The following ZNF423 variants were observed in gnomAD, a reference collection of about 807,000 sequenced individuals.
ZNF423 encodes Ebf-associated zinc finger protein.
In ZNF423, 12 loss-of-function variants were observed where a neutral mutation model predicts 95.8. That is an observed-to-expected ratio of 0.13 (90% CI 0.08 to 0.20). ZNF423 has a LOEUF of 0.20. ZNF423 is among the 10% of genes least tolerant of loss of function. The probability of loss-of-function intolerance (pLI) is 1.00; values close to 1 mark genes in which losing one functional copy is unlikely to be tolerated. For missense variants in ZNF423, 1,316 were observed against 1,737.1 expected, an observed-to-expected ratio of 0.76 and a Z score of 4.31; for synonymous variants, 749 against 711.9, an observed-to-expected ratio of 1.05 and a Z score of -0.83.
intron 3 of ZNF423, among the ~76,000 whole-genome samples, chr16:49,696,536 C>T (rs1330226651): frequency 6.6e-6 from 1 of 152,158 alleles, no homozygotes; most frequent in African/African-American, 2.4e-5. Context: ...GAGAAGGAGG[C>T]CCAGGCCCGC....
At chr16:49,687,803 C>T (rs910341980) in intron 3 of ZNF423, among the ~76,000 whole-genome samples, 4 of 152,172 alleles carry the variant, frequency 2.6e-5, no homozygotes, top group African/African-American at 9.7e-5. Flanking sequence ...CTTTCATTTC[C>T]CTCCCTTTTT....
intron 1 of ZNF423, among the ~76,000 whole-genome samples, chr16:49,817,069 T>C (rs2034867009): frequency 6.6e-6 from 1 of 152,148 alleles, no homozygotes; most frequent in Non-Finnish European, 1.5e-5. Flanking sequence ...GATCAGACAC[T>C]TGGTGTCTTT....
intron 7 of ZNF423, among the ~76,000 whole-genome samples, chr16:49,519,473 A>G (rs1161053864): frequency 6.6e-6 from 1 of 152,210 alleles, no homozygotes; most frequent in Non-Finnish European, 1.5e-5. Flanking sequence ...TGTGGGTGGC[A>G]TCAGGCTATG....
chr16:49,789,569 G>T, intron 1 of ZNF423, 23 bp from the exon 2 acceptor site: 1 of 1,608,344 alleles, frequency 6.2e-7, no homozygotes. Context: ...ACAGAGATGG[G>T]CCTGTGAGTT....
At chr16:49,653,923 G>A (rs1214792164) in intron 3 of ZNF423, among the ~76,000 whole-genome samples, 1 of 152,092 alleles carries the variant, frequency 6.6e-6, no homozygotes, top group Admixed American at 6.5e-5. Flanking sequence ...ACCACTTTTT[G>A]AACTTCAGAC....
chr16:49,637,896 A>G lies in ZNF423; in HGVS notation c.1280T>C (p.Phe427Ser). 6.2e-7 allele frequency: 1 copy of G among 1,614,154 alleles called. No homozygotes were observed. The highest frequency in any genetic ancestry group is 8.5e-7 in the Non-Finnish European group (1 of 1,180,028). The part of the protein sequence containing the change: ...YSCPYCSKRD[F>S]NSLAVLEIHL... ...GATCTCCAGCACGGCCAGGCTGTTA[A>G]AGTCCCGCTTGGAACAATAGGGGCA... The change falls in exon 4 of 8, where the codon TTT becomes TCT. Residue 427 changes from phenylalanine (F) to serine (S), a missense_variant. Phe to Ser is a radical substitution (Grantham distance 155). Coordinates refer to ENST00000563137, the MANE Select transcript of ZNF423 (RefSeq NM_001379286.1). This position sits in a 1 kb window ranked among gnomAD's most constrained non-coding sequence, Gnocchi z 5.6.
chr16:49,523,784 C>G, intron 6 of ZNF423, 45 bp from the exon 7 acceptor site: 1 of 1,544,790 alleles, frequency 6.5e-7, no homozygotes, highest in Non-Finnish European at 8.9e-7. Flanking sequence ...GGACACCAGC[C>G]CAGCCTCCTG....
At chr16:49,659,535 A>G (rs530128842) in intron 3 of ZNF423, among the ~76,000 whole-genome samples, 80 of 152,378 alleles carry the variant, frequency 5.3e-4, no homozygotes, top group African/African-American at 1.9e-3. Flanking sequence ...AGTCCGGCAG[A>G]GCCAGGAGAA....
chr16:49,516,271 G>T (rs898228596), intron 7 of ZNF423, among the ~76,000 whole-genome samples: 3 of 152,222 alleles, frequency 2.0e-5, no homozygotes, highest in Non-Finnish European at 2.9e-5. Flanking sequence ...TGCCACACAA[G>T]GAAGGACTTG....
At chr16:49,555,205 T>C (rs1003436759) in intron 5 of ZNF423, among the ~76,000 whole-genome samples, 2 of 152,252 alleles carry the variant, frequency 1.3e-5, no homozygotes, top group East Asian at 3.8e-4. Context: ...TGATCCTTAA[T>C]GCCTATGTCA....
intron 1 of ZNF423, among the ~76,000 whole-genome samples, chr16:49,842,398 AAGGAAGGAAGGAAGGCAGGCAGGC>A (rs1350226900): frequency 4.0e-5 from 5 of 125,504 alleles, no homozygotes; most frequent in African/African-American, 1.5e-4. Context: ...GGAAGGAAGG[AAGGAAGGAAGGAAGGCAGGCAGGC>A]AGGCAGGCAG....
intron 2 of ZNF423, among the ~76,000 whole-genome samples, chr16:49,742,326 G>A (rs780835479): frequency 6.6e-6 from 1 of 152,156 alleles, no homozygotes; most frequent in Non-Finnish European, 1.5e-5. Context: ...AAAGAAGGCA[G>A]ATGAGAGGGA....
chr16:49,753,750 G>A (rs1489697645), intron 2 of ZNF423, among the ~76,000 whole-genome samples: 6 of 152,212 alleles, frequency 3.9e-5, no homozygotes, highest in Non-Finnish European at 8.8e-5. Context: ...CAGGCATTTG[G>A]CTGGGCATGG....
chr16:49,849,825 G>T (rs570367753), intron 1 of ZNF423, among the ~76,000 whole-genome samples: 2 of 152,354 alleles, frequency 1.3e-5, no homozygotes, highest in East Asian at 3.9e-4. Flanking sequence ...AATTGACTTT[G>T]CAAGTAGAAC....
At chr16:49,779,606 C>T (rs1382816675) in intron 2 of ZNF423, among the ~76,000 whole-genome samples, 1 of 152,148 alleles carries the variant, frequency 6.6e-6, no homozygotes, top group African/African-American at 2.4e-5. Flanking sequence ...CAGCAACTCC[C>T]CCAAATGCAT....
At chr16:49,551,115 C>A (rs563539544) in intron 5 of ZNF423, among the ~76,000 whole-genome samples, 2 of 152,238 alleles carry the variant, frequency 1.3e-5, no homozygotes, top group African/African-American at 4.8e-5. Flanking sequence ...GGGCCCCCCA[C>A]GGAAGGCCCT....
intron 1 of ZNF423, among the ~76,000 whole-genome samples, chr16:49,835,164 C>A (rs1451287278): frequency 6.6e-6 from 1 of 152,162 alleles, no homozygotes; most frequent in Non-Finnish European, 1.5e-5. Flanking sequence ...CCCTCAGCCT[C>A]TTCCAGAGCC....
intron 3 of ZNF423, among the ~76,000 whole-genome samples, chr16:49,692,124 A>AT (rs796663790): frequency 1.5e-4 from 23 of 151,526 alleles, no homozygotes; most frequent in African/African-American, 4.1e-4. Context: ...TTATTTTTGA[A>AT]TTTTTTTTGT....
intron 2 of ZNF423, among the ~76,000 whole-genome samples, chr16:49,757,692 T>C (rs1010491114): frequency 2.0e-5 from 3 of 151,966 alleles, no homozygotes; most frequent in African/African-American, 7.3e-5. Context: ...CAGCAGGAAA[T>C]ACACCCCTGT....
Sources: gnomAD v4.1 joint callset for allele counts (sites outside exome capture counted in the v4.1 genomes callset) on GRCh38, gnomAD v4.1.1 for gene constraint, Gnocchi (gnomAD v3.1) non-coding constraint, MANE v1.5 for transcripts, NCBI Gene and HGNC (gene_info 2026-07-23, HGNC 2026-07-21) for gene names.